Variants in PHLPP1 observed in about 807,000 individuals in gnomAD.
The protein encoded by PHLPP1 is PH domain and leucine rich repeat protein phosphatase 1, also known as PH domain leucine-rich repeat-containing protein phosphatase 1.
PHLPP1 carries 42 observed loss-of-function variants against 117.2 expected under a neutral mutation model. The ratio of observed to expected loss-of-function variants is 0.36; its 90% CI spans 0.28 to 0.46. The LOEUF is 0.46. PHLPP1 is among the 20% of genes least tolerant of loss of function. The pLI, the probability that PHLPP1 is intolerant of heterozygous loss-of-function variation, is 1.00. For missense variants in PHLPP1, 2,084 were observed against 2,241.9 expected (o/e 0.93, Z 1.42); for synonymous variants, 1,042 against 970.7 (o/e 1.07, Z -1.37).
intron 4 of PHLPP1, among the ~76,000 whole-genome samples, chr18:62,867,165 C>T (rs965589774): frequency 6.6e-6 from 1 of 152,208 alleles, no homozygotes; most frequent in African/African-American, 2.4e-5. Context: ...CCCATCCCTA[C>T]ATCCAAGTCC....
At chr18:62,935,344 A>G (rs376808774) in intron 10 of PHLPP1, among the ~76,000 whole-genome samples, 4 of 152,362 alleles carry the variant, frequency 2.6e-5, no homozygotes, top group African/African-American at 9.6e-5. Context: ...GTATGAATAA[A>G]ACGTTAAAAC....
rs1405490173 is a variant in PHLPP1 at position 62,715,785 on chromosome 18, A to C, written c.102A>C (p.Ala34=). The change falls in exon 1 of 17, where the codon GCA becomes GCC. Residue 34 remains alanine, a synonymous_variant. Transcript: ENST00000262719. The part of the protein sequence containing the change: ...PAAAAAAAAA[A]AAAAAALAAA... ...CCGCCGCTGCGGCAGCAGCAGCAGC[A>C]GCGGCGGCCGCGGCGGCTCTGGCGG... is the stretch of plus-strand genomic sequence containing the variant. 1 of 693,256 alleles carries C rather than the reference A, an allele frequency of 1.4e-6. No individual in the cohort carries two copies. Among genetic ancestry groups the C allele is most frequent in the Non-Finnish European group, 1.8e-6 (1 of 562,888 alleles). 42.9% of individuals were successfully genotyped at this position (693,256 alleles called of 1,614,324 possible). A position where few individuals can be genotyped will look rare whatever the true frequency, so the allele number is the denominator to read the frequency against.
intron 1 of PHLPP1, among the ~76,000 whole-genome samples, chr18:62,803,537 T>C (rs1401275964): frequency 6.6e-6 from 1 of 152,234 alleles, no homozygotes; most frequent in Non-Finnish European, 1.5e-5. Context: ...TAGGAGGTCA[T>C]TGCTATGTAG....
intron 4 of PHLPP1, among the ~76,000 whole-genome samples, chr18:62,888,029 G>GT (rs1474483647): frequency 6.6e-6 from 1 of 152,130 alleles, no homozygotes; most frequent in Non-Finnish European, 1.5e-5. Flanking sequence ...CAGGCATGAT[G>GT]TTTTTTAAAA....
chr18:62,781,644 C>T (rs999338126), intron 1 of PHLPP1, among the ~76,000 whole-genome samples: 1 of 152,152 alleles, frequency 6.6e-6, no homozygotes, highest in African/African-American at 2.4e-5. Context: ...TCTACCCTCC[C>T]ACCTGGGATA....
chr18:62,892,644 A>C (rs1330039492), intron 4 of PHLPP1, among the ~76,000 whole-genome samples: 3 of 151,706 alleles, frequency 2.0e-5, no homozygotes, highest in African/African-American at 7.3e-5. Context: ...TGAGAGGCTG[A>C]GGCGGGCGGA....
At position 62,862,118 on chromosome 18, in the gene PHLPP1, C is replaced by T. The variant is rs528127793; in HGVS notation, c.2066+1517C>T. 7.9e-5 allele frequency among the ~76,000 whole-genome samples: 12 copies of T among 151,356 alleles called. No homozygotes were observed. The East Asian group carries it at 1.4e-3, about 17-fold the overall frequency. On this transcript the variant is annotated intron_variant, in intron 4 of 16. Transcript: ENST00000262719. ...TTTTTGAGATGGAGTCTCACTCTGTCGCCCAGGCTAGAGTGTGGTGGCACA... is the reference window on the plus strand; with the variant it reads ...TTTTTGAGATGGAGTCTCACTCTGTTGCCCAGGCTAGAGTGTGGTGGCACA...
chr18:62,871,886 C>A (rs936294810), intron 4 of PHLPP1, among the ~76,000 whole-genome samples: 1 of 152,074 alleles, frequency 6.6e-6, no homozygotes, highest in Non-Finnish European at 1.5e-5. Flanking sequence ...CTCAAGTGAT[C>A]CGCCTGCCTC....
chr18:62,945,088 CTTTAT>C lies in PHLPP1; in HGVS notation c.3162-17_3162-13del, dbSNP rs1910239209. On this transcript the variant is annotated splice_polypyrimidine_tract_variant and intron_variant, in intron 11 of 16. Transcript: ENST00000262719. ...TCCTATATTATTTTCTTTTAAATTG[CTTTAT>C]TTTCTCTTTTTTTAGTAAAATGGCG... 6.5e-7 allele frequency: 1 copy of C among 1,529,272 alleles called. No individual in the cohort carries two copies. Among genetic ancestry groups the C allele is most frequent in the Non-Finnish European group, 8.8e-7 (1 of 1,135,996 alleles). 94.7% of individuals were successfully genotyped at this position (1,529,272 alleles called of 1,614,324 possible). A position where few individuals can be genotyped will look rare whatever the true frequency, so the allele number is the denominator to read the frequency against.
intron 1 of PHLPP1, among the ~76,000 whole-genome samples, chr18:62,818,256 C>T (rs566883503): frequency 2.7e-4 from 41 of 152,156 alleles, no homozygotes; most frequent in Non-Finnish European, 4.3e-4. Context: ...TTGGGCCAGC[C>T]GCAGTGGCTC....
intron 1 of PHLPP1, among the ~76,000 whole-genome samples, chr18:62,745,476 T>G (rs1037033928): frequency 6.6e-6 from 1 of 152,224 alleles, no homozygotes; most frequent in Admixed American, 6.5e-5. Context: ...GTGGTACTAT[T>G]AAAAGTGAGG....
At chr18:62,889,322 T>C (rs1307444800) in intron 4 of PHLPP1, among the ~76,000 whole-genome samples, 3 of 152,206 alleles carry the variant, frequency 2.0e-5, no homozygotes, top group Non-Finnish European at 4.4e-5. Context: ...TTAAAATTTA[T>C]AGGTCTAGGG....
chr18:62,920,589 G>A (rs890886307), intron 10 of PHLPP1, among the ~76,000 whole-genome samples: 4 of 152,108 alleles, frequency 2.6e-5, no homozygotes, highest in East Asian at 1.9e-4. Context: ...AGACAGAGTC[G>A]CACTCTGTCG....
At chr18:62,855,838 A>T (rs1000940861) in intron 3 of PHLPP1, among the ~76,000 whole-genome samples, 2 of 152,168 alleles carry the variant, frequency 1.3e-5, no homozygotes, top group Non-Finnish European at 2.9e-5. Context: ...AAATGAAAGG[A>T]TGCACTAGAT....
chr18:62,797,267 G>A (rs541484906), intron 1 of PHLPP1, among the ~76,000 whole-genome samples: 5 of 152,252 alleles, frequency 3.3e-5, no homozygotes, highest in Middle Eastern at 6.8e-3. Context: ...TTGCCCAGCT[G>A]TTAATTCCAC....
chr18:62,813,956 AT>A (rs201794053), intron 1 of PHLPP1, among the ~76,000 whole-genome samples: 85 of 149,278 alleles, frequency 5.7e-4, no homozygotes, highest in East Asian at 2.3e-3. Context: ...TCTTTGGTGG[AT>A]TTTTTTTTTC....
rs557613198 is a variant in PHLPP1 at position 62,837,241 on chromosome 18, C to T, written c.1774-1543C>T. Among the ~76,000 whole-genome samples, 4 of 152,332 alleles carry T rather than the reference C, an allele frequency of 2.6e-5. No homozygotes were observed. The South Asian group carries it at 8.3e-4, about 32-fold the overall frequency. On this transcript the variant is annotated intron_variant, in intron 2 of 16. Coordinates refer to ENST00000262719, the MANE Select transcript of PHLPP1 (RefSeq NM_194449.4). ...TCCTGGGCTCAAGCGATCTGTCCCT[C>T]TAGGTCTCCCGAAGTGCTGGGATTA...
At chr18:62,870,646 A>G (rs1369303511) in intron 4 of PHLPP1, among the ~76,000 whole-genome samples, 3 of 152,250 alleles carry the variant, frequency 2.0e-5, no homozygotes, top group Admixed American at 6.5e-5. Context: ...AAAGTACAAT[A>G]TAATTATAAC....
At position 62,975,475 on chromosome 18, in the gene PHLPP1, A is replaced by C. The variant is rs992429132; in HGVS notation, c.3834A>C (p.Gly1278=). 1 of 1,612,820 alleles carries C rather than the reference A, an allele frequency of 6.2e-7. No homozygotes were observed. Among genetic ancestry groups the C allele is most frequent in the African/African-American group, 1.3e-5 (1 of 74,918 alleles). The change falls in exon 16 of 17, where the codon GGA becomes GGC. Residue 1278 remains glycine (G), a synonymous_variant. Transcript: ENST00000262719. ...CHIKHDPVDP[G]GSFTLTSANV... ...TCAAGCATGACCCTGTGGATCCAGG[A>C]GGATCCTTCACCTTGACCTCTGCTA...
Sources: allele counts gnomAD v4.1 joint callset (sites outside exome capture counted in the v4.1 genomes callset), GRCh38; gene constraint gnomAD v4.1.1; transcripts MANE v1.5; gene names NCBI Gene and HGNC (gene_info 2026-07-23, HGNC 2026-07-21).